ERI3: variants seen among roughly 807,000 people sequenced by gnomAD.
ERI3 encodes ERI1 exoribonuclease family member 3.
Under a neutral mutation model 44.4 loss-of-function variants are expected in ERI3, and 18 were observed. The observed-to-expected ratio is 0.41, with a 90% CI of 0.28 to 0.60. The LOEUF (loss-of-function observed/expected upper bound fraction) is 0.60. Among genes scored for constraint, ERI3 ranks in the 20% least tolerant of loss-of-function variants. The pLI, the probability that ERI3 is intolerant of heterozygous loss-of-function variation, is 0.36. For synonymous variants in ERI3, 183 were observed against 164.8 expected (o/e 1.11, Z -0.84); for missense variants, 294 against 435.5 (o/e 0.68, Z 2.89).
chr1:44,260,424 C>G (rs60094520), intron 7 of ERI3, among the ~76,000 whole-genome samples: 8,672 of 152,266 alleles, frequency 0.057, 836 homozygotes, highest in African/African-American at 0.2. Context: ...ACCCTAAAGC[C>G]AAGCCTCCTG....
chr1:44,270,830 CCT>C (rs911562752), intron 7 of ERI3, among the ~76,000 whole-genome samples: 42 of 150,990 alleles, frequency 2.8e-4, no homozygotes, highest in African/African-American at 9.4e-4. Context: ...GCTTCTTTCC[CCT>C]GTGTGGCCAC....
In ERI3 at chr1:44,228,694, G is replaced by T. The variant is rs752600719; in HGVS notation, c.932-7054C>A. On this transcript the variant is annotated intron_variant, in intron 8 of 8. Coordinates refer to ENST00000372257, the MANE Select transcript of ERI3 (RefSeq NM_024066.3). The surrounding 1 kb of genome is among the most constrained non-coding windows in gnomAD (Gnocchi z 4.3). ...GCCACTTGGGGGCAGTGGGGTGGAG[G>T]GGGGGATGTGCCTGGCCGGGAGGGC... Among the ~76,000 whole-genome samples the T allele has an allele frequency of 5.3e-5, 8 of 152,168 alleles. No homozygotes were observed. Among genetic ancestry groups the T allele is most frequent in the Non-Finnish European group, 8.8e-5 (6 of 68,030 alleles).
At chr1:44,253,721 T>C (rs1268010438) in intron 7 of ERI3, among the ~76,000 whole-genome samples, 1 of 152,194 alleles carries the variant, frequency 6.6e-6, no homozygotes, top group Non-Finnish European at 1.5e-5. Context: ...GTAGTGAGAC[T>C]GCCTGAAGGT....
intron 2 of ERI3, among the ~76,000 whole-genome samples, chr1:44,342,789 G>A (rs11210985): frequency 0.31 from 33,206 of 106,154 alleles, 6,043 homozygotes; most frequent in Middle Eastern, 0.51. Context: ...TTGGACCACA[G>A]GCATGTGCCA....
In ERI3 at chr1:44,342,828, T is replaced by TATATATAA. The variant is rs1402134652; in HGVS notation, c.212-3507_212-3506insTTATATAT. 1.4e-3 allele frequency among the ~76,000 whole-genome samples: 27 copies of TATATATAA among 18,760 alleles called. 2 individuals are homozygous for TATATATAA. The highest frequency in any genetic ancestry group is 0.01 in the South Asian group (6 of 576). 12.3% of individuals were successfully genotyped at this position (18,760 alleles called of 152,430 possible). On this transcript the variant is annotated intron_variant, in intron 2 of 8. Coordinates refer to ENST00000372257, the MANE Select transcript of ERI3 (RefSeq NM_024066.3). The stretch of plus-strand genomic sequence containing the variant: ...CATCCAGCTAATATATATATATATA[T>TATATATAA]ATATATATATATATATATATATATA...
At chr1:44,232,614 G>A (rs1334491017) in intron 8 of ERI3, among the ~76,000 whole-genome samples, 1 of 152,148 alleles carries the variant, frequency 6.6e-6, no homozygotes, top group Non-Finnish European at 1.5e-5. Context: ...CAAAATAGCT[G>A]CTGGAGCTCC....
intron 5 of ERI3, among the ~76,000 whole-genome samples, chr1:44,309,136 C>T (rs902387431): frequency 6.6e-6 from 1 of 152,226 alleles, no homozygotes; most frequent in African/African-American, 2.4e-5. Flanking sequence ...TCCCTTTGAT[C>T]AGTTTATTTG....
At chr1:44,263,787 G>C (rs1453467827) in intron 7 of ERI3, among the ~76,000 whole-genome samples, 1 of 152,164 alleles carries the variant, frequency 6.6e-6, no homozygotes. Flanking sequence ...CCCTGGCCTT[G>C]CTTCCTCTAA....
chr1:44,266,759 A>ATATAACCATAT (rs1406662402), intron 7 of ERI3, among the ~76,000 whole-genome samples: 2 of 152,214 alleles, frequency 1.3e-5, no homozygotes, highest in Non-Finnish European at 2.9e-5. Context: ...TACCTACCAT[A>ATATAACCATAT]AACCTTGGCA....
At chr1:44,322,258 T>C (rs953589502) in intron 3 of ERI3, among the ~76,000 whole-genome samples, 2 of 152,116 alleles carry the variant, frequency 1.3e-5, no homozygotes, top group Admixed American at 6.5e-5. Flanking sequence ...CAGCAAATAC[T>C]GTAGCTCAAT....
rs372989845 is a variant in ERI3 at position 44,253,060 on chromosome 1, G to A, written c.832-5022C>T. ...CATTCCCCTAACCCCCAACAGAGAT[G>A]AAGCTGTGATGGTGATACTCCAGAG... On this transcript the variant is annotated intron_variant, in intron 7 of 8. Coordinates refer to ENST00000372257, the MANE Select transcript of ERI3 (RefSeq NM_024066.3). 5.8e-4 allele frequency among the ~76,000 whole-genome samples: 88 copies of A among 152,206 alleles called. 1 individual carries two copies. Among genetic ancestry groups the A allele is most frequent in the African/African-American group, 1.3e-3 (52 of 41,440 alleles).
At chr1:44,249,009 G>A (rs936798015) in intron 7 of ERI3, among the ~76,000 whole-genome samples, 3 of 152,164 alleles carry the variant, frequency 2.0e-5, no homozygotes, top group African/African-American at 7.2e-5. Flanking sequence ...TGCCACAGAT[G>A]AGGAAACTGA....
intron 7 of ERI3, among the ~76,000 whole-genome samples, chr1:44,251,153 T>C (rs1049863061): frequency 3.9e-5 from 6 of 152,216 alleles, no homozygotes; most frequent in Admixed American, 6.5e-5. Context: ...CCTGCCAACA[T>C]ATGGTCTGCC....
At chr1:44,348,790 AAACT>A (rs1328685823) in intron 2 of ERI3, among the ~76,000 whole-genome samples, 1 of 152,218 alleles carries the variant, frequency 6.6e-6, no homozygotes, top group African/African-American at 2.4e-5. Flanking sequence ...TCACAGCAAT[AAACT>A]AACACACTTT....
intron 4 of ERI3, among the ~76,000 whole-genome samples, chr1:44,315,973 G>C (rs1374021334): frequency 7.4e-6 from 1 of 134,604 alleles, no homozygotes; most frequent in African/African-American, 2.7e-5. Flanking sequence ...GCAACATAGA[G>C]AGACCCCATC....
intron 4 of ERI3, among the ~76,000 whole-genome samples, chr1:44,314,615 G>A (rs979522104): frequency 3.3e-5 from 5 of 152,196 alleles, no homozygotes; most frequent in Non-Finnish European, 7.3e-5. Flanking sequence ...GCCCAGTAGA[G>A]GGAGGGCCTG....
intron 3 of ERI3, chr1:44,322,612 A>G: frequency 1.5e-6 from 2 of 1,313,954 alleles, no homozygotes; most frequent in Non-Finnish European, 2.0e-6. Flanking sequence ...ATTAACAATG[A>G]GCCTACACAC....
intron 8 of ERI3, among the ~76,000 whole-genome samples, chr1:44,242,971 G>A (rs1358214435): frequency 6.6e-6 from 1 of 152,214 alleles, no homozygotes; most frequent in Admixed American, 6.5e-5. Context: ...TCTTCCTTTT[G>A]GTACAAGCGT....
intron 5 of ERI3, among the ~76,000 whole-genome samples, chr1:44,310,587 T>A (rs1408596118): frequency 6.6e-6 from 1 of 152,116 alleles, no homozygotes; most frequent in Non-Finnish European, 1.5e-5. Context: ...CCTCGTGTGC[T>A]CAGCAGGAAA....
Sources: gnomAD v4.1 joint callset for allele counts (sites outside exome capture counted in the v4.1 genomes callset) on GRCh38, gnomAD v4.1.1 for gene constraint, Gnocchi (gnomAD v3.1) non-coding constraint, MANE v1.5 for transcripts, NCBI Gene and HGNC (gene_info 2026-07-23, HGNC 2026-07-21) for gene names.